Variants in DGKB observed in about 807,000 individuals in gnomAD.
DGKB encodes the protein diacylglycerol kinase beta, also known as 90 kDa diacylglycerol kinase.
In DGKB, 67 loss-of-function variants were observed where a neutral mutation model predicts 114.3. The observed-to-expected ratio is 0.59, with a 90% CI of 0.48 to 0.72. DGKB has a LOEUF of 0.72. DGKB is among the 30% of genes least tolerant of loss of function. The pLI is 0.00. For missense variants in DGKB, 907 were observed against 975.2 expected (o/e 0.93, Z 0.93); for synonymous variants, 398 against 323.1 (o/e 1.23, Z -2.49).
chr7:14,397,331 A>G (rs1822379888), intron 21 of DGKB, among the ~76,000 whole-genome samples: 1 of 152,120 alleles, frequency 6.6e-6, no homozygotes, highest in Non-Finnish European at 1.5e-5. Context: ...TGGTTGGCCT[A>G]CTGTTAACAT....
At position 14,649,092 on chromosome 7, in the gene DGKB, C is replaced by G. The variant is rs368390534; in HGVS notation, c.1135-18824G>C. On this transcript the variant is annotated intron_variant, in intron 13 of 25. Coordinates refer to ENST00000402815, the MANE Select transcript of DGKB (RefSeq NM_001350709.2). ...TGCTGCAGGATATTATCCAGGAGAA[C>G]TTCCCCAATCTAGCAAGGCAGGCCA... 2.7e-5 allele frequency among the ~76,000 whole-genome samples: 2 copies of G among 75,422 alleles called. 1 individual carries two copies. The highest frequency in any genetic ancestry group is 3.5e-4 in the Admixed American group (2 of 5,782). 49.5% of individuals were successfully genotyped at this position (75,422 alleles called of 152,430 possible).
intron 21 of DGKB, among the ~76,000 whole-genome samples, chr7:14,392,961 C>T (rs1383037465): frequency 7.5e-6 from 1 of 133,914 alleles, no homozygotes; most frequent in Non-Finnish European, 1.7e-5. Flanking sequence ...CCAATTATAA[C>T]CTGAGGGCCA....
intron 19 of DGKB, among the ~76,000 whole-genome samples, chr7:14,576,437 G>T (rs964116850): frequency 6.6e-6 from 1 of 151,570 alleles, no homozygotes; most frequent in Admixed American, 6.6e-5. Flanking sequence ...ACTGAATTAA[G>T]TAAAAAACAC....
intron 17 of DGKB, among the ~76,000 whole-genome samples, chr7:14,595,569 G>C (rs934673146): frequency 2.0e-5 from 3 of 150,392 alleles, no homozygotes; most frequent in African/African-American, 7.3e-5. Context: ...AAATAAATGT[G>C]TACAAACTTT....
chr7:14,532,233 T>G (rs1180264917), intron 20 of DGKB, among the ~76,000 whole-genome samples: 7 of 139,622 alleles, frequency 5.0e-5, no homozygotes, highest in African/African-American at 1.9e-4. Context: ...AAACCTAAAA[T>G]GTCATGAGAC....
chr7:14,360,856 A>G (rs1815595577), intron 21 of DGKB, among the ~76,000 whole-genome samples: 1 of 152,174 alleles, frequency 6.6e-6, no homozygotes, highest in African/African-American at 2.4e-5. Context: ...CTGAAAGGCC[A>G]GTTAATACTT....
chr7:14,449,902 G>A (rs1831233646), intron 21 of DGKB, among the ~76,000 whole-genome samples: 1 of 152,072 alleles, frequency 6.6e-6, no homozygotes, highest in Admixed American at 6.6e-5. Context: ...CACGGAGAAT[G>A]TTGAGTGACA....
chr7:14,164,733 A>G (rs1380380714), intron 25 of DGKB, among the ~76,000 whole-genome samples: 1 of 152,220 alleles, frequency 6.6e-6, no homozygotes, highest in Non-Finnish European at 1.5e-5. Context: ...GTCCCACTGT[A>G]GAATAACATG....
chr7:14,897,757 T>G (rs1034011556), intron 1 of DGKB, among the ~76,000 whole-genome samples: 2 of 152,138 alleles, frequency 1.3e-5, no homozygotes, highest in Admixed American at 1.3e-4. Flanking sequence ...TCATGACTTC[T>G]ACTTATTAAA....
chr7:14,957,125 C>T (rs530421047), intron 1 of DGKB, among the ~76,000 whole-genome samples: 38 of 151,798 alleles, frequency 2.5e-4, no homozygotes, highest in African/African-American at 8.7e-4. Flanking sequence ...CTAATTAAAT[C>T]GAATATCCCA....
At chr7:14,910,571 T>TTTAA (rs1365532689) in intron 1 of DGKB, among the ~76,000 whole-genome samples, 1 of 152,146 alleles carries the variant, frequency 6.6e-6, no homozygotes, top group African/African-American at 2.4e-5. Flanking sequence ...TAACACCTTA[T>TTTAA]TTAACTATTA....
chr7:14,941,574 T>G (rs1450434094), intron 1 of DGKB, among the ~76,000 whole-genome samples: 1 of 152,094 alleles, frequency 6.6e-6, no homozygotes, highest in Non-Finnish European at 1.5e-5. Context: ...TGAAGATGGT[T>G]TACAGTTTAC....
chr7:14,170,834 G>A (rs1441399338), intron 25 of DGKB, among the ~76,000 whole-genome samples: 1 of 152,188 alleles, frequency 6.6e-6, no homozygotes, highest in Non-Finnish European at 1.5e-5. Flanking sequence ...AGTAGCTAGA[G>A]CAACAGAGAA....
At chr7:14,490,346 C>G (rs1295428225) in intron 20 of DGKB, among the ~76,000 whole-genome samples, 2 of 152,056 alleles carry the variant, frequency 1.3e-5, no homozygotes, top group Non-Finnish European at 2.9e-5. Context: ...TTTCTTTATA[C>G]CTGAAAGACA....
intron 21 of DGKB, among the ~76,000 whole-genome samples, chr7:14,436,773 G>T (rs984761311): frequency 6.6e-6 from 1 of 152,006 alleles, no homozygotes; most frequent in Non-Finnish European, 1.5e-5. Context: ...TCTAGCCTTA[G>T]CTCAAATTTT....
At chr7:14,229,198 GGTCA>G (rs1791313865) in intron 23 of DGKB, among the ~76,000 whole-genome samples, 1 of 151,952 alleles carries the variant, frequency 6.6e-6, no homozygotes, top group Admixed American at 6.6e-5. Flanking sequence ...TATAATATGT[GGTCA>G]GTATTACTCA....
intron 2 of DGKB, among the ~76,000 whole-genome samples, chr7:14,821,959 G>A (rs1040335706): frequency 2.0e-5 from 3 of 152,042 alleles, no homozygotes; most frequent in Non-Finnish European, 4.4e-5. Context: ...TGAGAGTGAG[G>A]ACAAGTCATC....
chr7:14,418,383 A>ATGTGTG (rs1826118562), intron 21 of DGKB, among the ~76,000 whole-genome samples: 2 of 146,232 alleles, frequency 1.4e-5, no homozygotes, highest in African/African-American at 5.0e-5. Flanking sequence ...ATATATATAT[A>ATGTGTG]TATATATATA....
chr7:14,523,924 A>G (rs1383826916), intron 20 of DGKB, among the ~76,000 whole-genome samples: 2 of 152,130 alleles, frequency 1.3e-5, no homozygotes, highest in African/African-American at 4.8e-5. Context: ...TGTTTCTGCA[A>G]TGACTAAATG....
Sources: allele counts gnomAD v4.1 joint callset (sites outside exome capture counted in the v4.1 genomes callset), GRCh38; gene constraint gnomAD v4.1.1; transcripts MANE v1.5; gene names NCBI Gene and HGNC (gene_info 2026-07-23, HGNC 2026-07-21).